HOGA1: variants seen among roughly 807,000 people sequenced by gnomAD.
The protein encoded by HOGA1 is 4-hydroxy-2-oxoglutarate aldolase, mitochondrial.
In HOGA1, 30 loss-of-function variants were observed where a neutral mutation model predicts 34.3. That is an observed-to-expected ratio of 0.87 (90% confidence interval 0.65 to 1.19). The LOEUF is 1.19. Ranked by LOEUF, HOGA1 falls within the 50% of genes most tolerant of loss-of-function variation. The pLI is 0.00. For missense variants in HOGA1, 417 were observed against 436.5 expected (o/e 0.96, Z 0.40); for synonymous variants, 161 against 174.0 (o/e 0.93, Z 0.59).
At position 97,593,185 on chromosome 10, in the gene HOGA1, T is replaced by C. The variant is rs987816012; in HGVS notation, c.212-5590T>C. Reference sequence around the variant, plus strand: ...AGATCAAGTCTTAATTCCATTAAAGTTCATTGGGGGCCGAACACGGCGGCT... The same window carrying C: ...AGATCAAGTCTTAATTCCATTAAAGCTCATTGGGGGCCGAACACGGCGGCT... On this transcript the variant is annotated intron_variant, in intron 1 of 6. Transcript: ENST00000370646. Among the ~76,000 whole-genome samples, 7 of 151,874 alleles carry C rather than the reference T, an allele frequency of 4.6e-5. No homozygotes were observed. The East Asian group carries it at 5.9e-4, about 13-fold the overall frequency.
At chr10:97,592,492 G>T (rs1426661064) in intron 1 of HOGA1, among the ~76,000 whole-genome samples, 1 of 151,508 alleles carries the variant, frequency 6.6e-6, no homozygotes, top group Admixed American at 6.6e-5. Context: ...CGCCAGCCTC[G>T]GCCTCCCAAA....
Position 97,603,076 on chromosome 10 carries a change from A to C in HOGA1, c.834+1086A>C, listed in dbSNP as rs2041132075. On this transcript the variant is annotated intron_variant, in intron 6 of 6. Coordinates refer to ENST00000370646, the MANE Select transcript of HOGA1 (RefSeq NM_138413.4). This position sits in a 1 kb window ranked among gnomAD's most constrained non-coding sequence, Gnocchi z 4.5. ...GAGTGCAGTGGCACAATCTTGGCCC[A>C]CTGCAACCTCCGCCTCCCTGGTGCG... is the stretch of plus-strand genomic sequence containing the variant. Among the ~76,000 whole-genome samples the C allele has an allele frequency of 6.6e-6, 1 of 152,108 alleles. No homozygotes were observed. The highest frequency in any genetic ancestry group is 2.1e-4 in the South Asian group (1 of 4,828).
At chr10:97,600,035 G>T (rs368607136) in intron 4 of HOGA1, 32 bp from the exon 5 acceptor site, 1 of 1,599,752 alleles carries the variant, frequency 6.3e-7, no homozygotes, top group South Asian at 1.1e-5. Context: ...GAGGCTCTGG[G>T]CACAGCTCTC....
chr10:97,607,522 G>C (rs1317608429), intron 6 of HOGA1, among the ~76,000 whole-genome samples: 2 of 152,198 alleles, frequency 1.3e-5, no homozygotes, highest in African/African-American at 4.8e-5. Flanking sequence ...TTGGCACTGC[G>C]TGCTTGCTGA....
intron 1 of HOGA1, among the ~76,000 whole-genome samples, chr10:97,596,335 A>C (rs2041071253): frequency 6.6e-6 from 1 of 152,204 alleles, no homozygotes; most frequent in Non-Finnish European, 1.5e-5. Flanking sequence ...GACCAGCAGG[A>C]TGAGAGGTGA....
chr10:97,611,023 G>C (rs1387179542), intron 6 of HOGA1, among the ~76,000 whole-genome samples: 1 of 152,192 alleles, frequency 6.6e-6, no homozygotes, highest in Non-Finnish European at 1.5e-5. Context: ...TTAGGGTCAG[G>C]AGGAGCTATG....
At position 97,598,878 on chromosome 10, in the gene HOGA1, C is replaced by T. The variant is rs776912370; in HGVS notation, c.315C>T (p.Leu105=). The change falls in exon 2 of 7, where the codon CTC becomes CTT. Residue 105 remains leucine, a synonymous_variant. Coordinates refer to ENST00000370646, the MANE Select transcript of HOGA1 (RefSeq NM_138413.4). The stretch of plus-strand genomic sequence containing the variant: ...GCCAGGCCATGCCCAAGAACAGGCT[C>T]CTGCTAGCTGGCTCCGGATGCGAGT... ...RVRQAMPKNR[L]LLAGSGCEST... is the part of the protein sequence containing the mutation. 9 of 1,614,012 alleles carry T rather than the reference C, an allele frequency of 5.6e-6. No individual in the cohort carries two copies. Among genetic ancestry groups the T allele is most frequent in the Non-Finnish European group, 4.2e-6 (5 of 1,180,050 alleles).
chr10:97,606,933 T>C (rs2041162026), intron 6 of HOGA1, among the ~76,000 whole-genome samples: 1 of 152,094 alleles, frequency 6.6e-6, no homozygotes, highest in South Asian at 2.1e-4. Flanking sequence ...TTCAGCATTT[T>C]GTAGTTTCCA....
At chr10:97,599,504 C>T in intron 3 of HOGA1, 176 bp from the exon 4 acceptor site, 1 of 851,820 alleles carries the variant, frequency 1.2e-6, no homozygotes, top group Non-Finnish European at 1.9e-6. Context: ...ATGGAAAGCA[C>T]TCCATAAATA....
chr10:97,602,630 TCCTTCCTC>T, intron 6 of HOGA1: 1 of 950,576 alleles, frequency 1.1e-6, no homozygotes, highest in Non-Finnish European at 1.3e-6. Context: ...CTTTGTTCCT[TCCTTCCTC>T]CCTCCCTCCC....
At chr10:97,591,113 G>A (rs146163937) in intron 1 of HOGA1, among the ~76,000 whole-genome samples, 3 of 152,242 alleles carry the variant, frequency 2.0e-5, no homozygotes, top group African/African-American at 7.2e-5. Context: ...TCTGGAAAAG[G>A]GGTACCTCTA....
At chr10:97,606,339 G>A (rs919547070) in intron 6 of HOGA1, among the ~76,000 whole-genome samples, 5 of 151,478 alleles carry the variant, frequency 3.3e-5, no homozygotes, top group African/African-American at 1.2e-4. Flanking sequence ...TTAGAAGATC[G>A]TAAAGATTTT....
chr10:97,592,786 T>C (rs2041037113), intron 1 of HOGA1, among the ~76,000 whole-genome samples: 2 of 151,854 alleles, frequency 1.3e-5, no homozygotes, highest in South Asian at 4.2e-4. Context: ...CCCTGCACTT[T>C]GGGAGGCCGA....
chr10:97,584,654 A>G lies in HOGA1; in HGVS notation c.-50A>G. Reference sequence around the variant, plus strand: ...TAGGGGGTTAGAAAGAGTTCAAACTAAGTCTCACTCTGGGACATAGACCAA... The same window carrying G: ...TAGGGGGTTAGAAAGAGTTCAAACTGAGTCTCACTCTGGGACATAGACCAA... On this transcript the variant is annotated 5_prime_UTR_variant, in exon 1 of 7. Transcript: ENST00000370646. The G allele has an allele frequency of 6.8e-7, 1 of 1,470,646 alleles. No individual in the cohort carries two copies. Among genetic ancestry groups the G allele is most frequent in the Non-Finnish European group, 9.3e-7 (1 of 1,069,750 alleles). 91.1% of individuals were successfully genotyped at this position (1,470,646 alleles called of 1,614,324 possible). A position where few individuals can be genotyped will look rare whatever the true frequency, so the allele number is the denominator to read the frequency against.
intron 6 of HOGA1, among the ~76,000 whole-genome samples, chr10:97,608,570 C>T (rs1023793463): frequency 5.9e-5 from 9 of 151,878 alleles, no homozygotes; most frequent in South Asian, 4.2e-4. Flanking sequence ...TTTGGGAGGC[C>T]GAGGCAGGCA....
chr10:97,599,563 G>A (rs2041099645), intron 3 of HOGA1, 117 bp from the exon 4 acceptor site: 4 of 1,307,222 alleles, frequency 3.1e-6, no homozygotes, highest in Non-Finnish European at 4.4e-6. Context: ...TGGGAGGGAG[G>A]CCTGTCCAGG....
intron 1 of HOGA1, among the ~76,000 whole-genome samples, chr10:97,596,109 C>T (rs2041069417): frequency 6.6e-6 from 1 of 152,226 alleles, no homozygotes; most frequent in Non-Finnish European, 1.5e-5. Flanking sequence ...ACTCTTGAGT[C>T]TAGTGCTGCC....
intron 3 of HOGA1, 33 bp from the exon 4 acceptor site, chr10:97,599,647 C>G (rs770396807): frequency 6.2e-6 from 10 of 1,612,946 alleles, no homozygotes; most frequent in Non-Finnish European, 8.5e-6. Flanking sequence ...GGCGGCTGCC[C>G]TCTCCTGCTT....
rs753833846 is a variant in HOGA1, at chr10:97,600,178, G to A, written c.700+15G>A. On this transcript the variant is annotated intron_variant, in intron 5 of 6. Transcript: ENST00000370646. ...CTATGCCTTGGGTAGGCCGCCCACT[G>A]CTCTCAAATTGTCATGGGTGACCAA... 1.2e-6 allele frequency: 2 copies of A among 1,606,862 alleles called. No homozygotes were observed. The highest frequency in any genetic ancestry group is 1.7e-4 in the Middle Eastern group (1 of 6,050).
Sources: allele counts gnomAD v4.1 joint callset (sites outside exome capture counted in the v4.1 genomes callset), GRCh38; gene constraint gnomAD v4.1.1; non-coding constraint Gnocchi (gnomAD v3.1); transcripts MANE v1.5; gene names NCBI Gene and HGNC (gene_info 2026-07-23, HGNC 2026-07-21).